The following SH3TC2 variants were observed in gnomAD, a reference collection of about 807,000 sequenced individuals.
The protein encoded by SH3TC2 is SH3 domain and tetratricopeptide repeats 2, also known as SH3 domain and tetratricopeptide repeat-containing protein 2.
A neutral mutation model predicts 124.5 loss-of-function variants in SH3TC2; 87 were observed. That is an observed-to-expected ratio of 0.70 (90% CI 0.59 to 0.84). The LOEUF (loss-of-function observed/expected upper bound fraction) is 0.84. Among genes scored for constraint, SH3TC2 ranks in the 40% least tolerant of loss-of-function variants. The pLI is 0.00. For missense variants in SH3TC2, 1,536 were observed against 1,566.4 expected, an observed-to-expected ratio of 0.98 and a Z score of 0.33; for synonymous variants, 634 against 628.5, an observed-to-expected ratio of 1.01 and a Z score of -0.13.
intron 2 of SH3TC2, 103 bp from the exon 3 acceptor site, chr5:149,048,092 C>T: frequency 6.7e-7 from 1 of 1,489,158 alleles, no homozygotes; most frequent in Non-Finnish European, 9.3e-7. Flanking sequence ...CCTGAACCCT[C>T]AACTGGTGTC....
chr5:149,034,540 A>G lies in SH3TC2; in HGVS notation c.1002-2853T>C, dbSNP rs752467580. On this transcript the variant is annotated intron_variant, in intron 8 of 16. Coordinates refer to ENST00000515425, the MANE Select transcript of SH3TC2 (RefSeq NM_024577.4). ...CAAGTCCTGAGCAAAATAAATAAAT[A>G]TAATATCATTTTTAACATGATGTCC... The G allele has an allele frequency of 1.0e-4, 39 of 388,862 alleles. 1 individual carries two copies. Among genetic ancestry groups the G allele is most frequent in the South Asian group, 7.7e-4 (38 of 49,564 alleles). 24.1% of individuals were successfully genotyped at this position (388,862 alleles called of 1,614,324 possible).
intron 7 of SH3TC2, 138 bp from the exon 8 acceptor site, chr5:149,038,628 C>T: frequency 2.2e-6 from 2 of 910,164 alleles, no homozygotes; most frequent in South Asian, 1.4e-5. Flanking sequence ...CCCCTCCCCA[C>T]CCAAAAATTG....
Position 149,002,040 on chromosome 5 carries a change from A to G in SH3TC2, c.*2671T>C, listed in dbSNP as rs1230032928. 2.0e-5 allele frequency: 3 copies of G among 152,654 alleles called. No homozygotes were observed. The highest frequency in any genetic ancestry group is 4.4e-5 in the Non-Finnish European group (3 of 68,058). 9.5% of individuals were successfully genotyped at this position (152,654 alleles called of 1,614,324 possible). ...GAGGAAGAATCAAATTAAGTATAGT[A>G]ACATCCCTCTGTACTCTTCACCCAC... is the stretch of plus-strand genomic sequence containing the variant. On this transcript the variant is annotated 3_prime_UTR_variant, in exon 17 of 17. Transcript: ENST00000515425.
rs1195820487 is a variant in SH3TC2 at position 148,987,926 on chromosome 5, T to C, written c.*16785A>G. 1.3e-5 allele frequency among the ~76,000 whole-genome samples: 2 copies of C among 150,254 alleles called. No homozygotes were observed. The highest frequency in any genetic ancestry group is 3.0e-5 in the Non-Finnish European group (2 of 67,576). Reference sequence around the variant, plus strand: ...GCCCAGAGTAAGCTTACATAGTGAGTGCACCTAAAGGTGAGCCATCTCCAC... The same window carrying C: ...GCCCAGAGTAAGCTTACATAGTGAGCGCACCTAAAGGTGAGCCATCTCCAC... On this transcript the variant is annotated 3_prime_UTR_variant, in exon 17 of 17. Transcript: ENST00000515425.
intron 1 of SH3TC2, among the ~76,000 whole-genome samples, chr5:149,060,519 G>A (rs1754728105): frequency 6.6e-6 from 1 of 152,148 alleles, no homozygotes; most frequent in Admixed American, 6.5e-5. Flanking sequence ...AAACTAGTCT[G>A]GCAGCTGTCC....
rs557007355 is a variant in SH3TC2, at chr5:149,041,451, C to G, written c.696G>C (p.Val232=). ...LVTGQRGLVL[V]SALEPLPLPF... Reference sequence around the variant, plus strand: ...GGAGAGGCAGAGGCTCCAAGGCTGACACCAGTACCAGGCCCCGCTGACCTG... The same window carrying G: ...GGAGAGGCAGAGGCTCCAAGGCTGAGACCAGTACCAGGCCCCGCTGACCTG... The change falls in exon 6 of 17, where the codon GTG becomes GTC. Residue 232 remains valine, a synonymous_variant. Coordinates refer to ENST00000515425, the MANE Select transcript of SH3TC2 (RefSeq NM_024577.4). 4.3e-6 allele frequency: 7 copies of G among 1,613,498 alleles called. No homozygotes were observed. The African/African-American group carries it at 8.0e-5, about 18-fold the overall frequency.
At chr5:149,038,563 T>C in intron 7 of SH3TC2, 73 bp from the exon 8 acceptor site, 2 of 1,492,448 alleles carry the variant, frequency 1.3e-6, no homozygotes, top group Non-Finnish European at 1.9e-6. Flanking sequence ...TCCAATGCAA[T>C]AGAAAATGAG....
intron 2 of SH3TC2, among the ~76,000 whole-genome samples, chr5:149,050,379 T>C (rs148293798): frequency 6.6e-6 from 1 of 152,130 alleles, no homozygotes; most frequent in East Asian, 1.9e-4. Context: ...TAAGGAGAGG[T>C]TGGCAGCTAC....
rs549642029 is a variant in SH3TC2, at chr5:149,000,647, A to G, written c.*4064T>C. 1.2e-4 allele frequency among the ~76,000 whole-genome samples: 19 copies of G among 152,194 alleles called. No homozygotes were observed. Among genetic ancestry groups the G allele is most frequent in the Non-Finnish European group, 2.5e-4 (17 of 68,038 alleles). On this transcript the variant is annotated 3_prime_UTR_variant, in exon 17 of 17. Transcript: ENST00000515425. ...TCGTGATAAATGCATGCATACATAC[A>G]CACACGTGTACATATACACACACAA...
In SH3TC2 at chr5:149,027,194, G is replaced by T; in HGVS notation, c.2538C>A (p.Leu846=). Residue 846 remains leucine, a synonymous_variant, in exon 11 of 17, where the codon CTC becomes CTA. Transcript: ENST00000515425. Reference sequence around the variant, plus strand: ...CCCTGTTCACCCGGCCTTCACCTTGGAGTGCAAGTCCCAGGAGGTTATAGA... The same window carrying T: ...CCCTGTTCACCCGGCCTTCACCTTGTAGTGCAAGTCCCAGGAGGTTATAGA... The part of the protein sequence containing the change: ...GVIYNLLGLA[L]QGEGRVNRAA... 6.2e-7 allele frequency: 1 copy of T among 1,614,212 alleles called. No homozygotes were observed. Among genetic ancestry groups the T allele is most frequent in the Non-Finnish European group, 8.5e-7 (1 of 1,180,044 alleles).
intron 12 of SH3TC2, among the ~76,000 whole-genome samples, chr5:149,014,862 C>G (rs925097065): frequency 8.5e-5 from 13 of 152,224 alleles, no homozygotes; most frequent in Non-Finnish European, 1.8e-4. Context: ...CTCCACAACT[C>G]TCCTCACTCT....
intron 16 of SH3TC2, among the ~76,000 whole-genome samples, chr5:149,005,139 C>T (rs548231394): frequency 1.4e-4 from 22 of 152,310 alleles, no homozygotes; most frequent in Admixed American, 1.4e-3. Flanking sequence ...TGGTCCCTTA[C>T]TGAGGCTCAG....
At chr5:149,010,044 C>T (rs927959305) in intron 14 of SH3TC2, among the ~76,000 whole-genome samples, 5 of 152,034 alleles carry the variant, frequency 3.3e-5, no homozygotes, top group African/African-American at 9.7e-5. Context: ...ATGTATTATC[C>T]GAAGAAGGAT....
intron 5 of SH3TC2, among the ~76,000 whole-genome samples, chr5:149,042,003 T>A (rs1384450557): frequency 6.6e-6 from 1 of 152,224 alleles, no homozygotes; most frequent in Non-Finnish European, 1.5e-5. Context: ...TTAGTTTGGG[T>A]GAATATAATT....
intron 1 of SH3TC2, among the ~76,000 whole-genome samples, chr5:149,058,567 T>C (rs1313699586): frequency 6.9e-6 from 1 of 144,164 alleles, no homozygotes; most frequent in African/African-American, 2.5e-5. Context: ...TTGAAAGAGC[T>C]TTTTTTTTTT....
In SH3TC2 at chr5:148,984,110, C is replaced by A. The variant is rs1753296273; in HGVS notation, c.*20601G>T. Among the ~76,000 whole-genome samples, 2 of 152,164 alleles carry A rather than the reference C, an allele frequency of 1.3e-5. No homozygotes were observed. The highest frequency in any genetic ancestry group is 2.9e-5 in the Non-Finnish European group (2 of 68,000). On this transcript the variant is annotated 3_prime_UTR_variant, in exon 17 of 17. Transcript: ENST00000515425. ...TTTGGGACGTTTTCAGCTATTATTT[C>A]TTTAGATAGGCTTTGTGTCCCTTTA... is the stretch of plus-strand genomic sequence containing the variant.
At chr5:149,030,270 G>A (rs1407708778) in intron 9 of SH3TC2, among the ~76,000 whole-genome samples, 2 of 152,226 alleles carry the variant, frequency 1.3e-5, no homozygotes, top group Non-Finnish European at 2.9e-5. Flanking sequence ...CCTTGGGGAA[G>A]CTGCAATTTA....
chr5:148,983,115 A>G lies in SH3TC2; in HGVS notation c.*21596T>C, dbSNP rs1753276994. 6.6e-6 allele frequency among the ~76,000 whole-genome samples: 1 copy of G among 152,232 alleles called. No homozygotes were observed. Among genetic ancestry groups the G allele is most frequent in the Admixed American group, 6.5e-5 (1 of 15,286 alleles). On this transcript the variant is annotated 3_prime_UTR_variant, in exon 17 of 17. Coordinates refer to ENST00000515425, the MANE Select transcript of SH3TC2 (RefSeq NM_024577.4). ...CCTCCTGCTAGTCTCACCTTCTGGG[A>G]TCTAATCTGTGGCTAGGCTTTACTT...
At position 149,001,300 on chromosome 5, in the gene SH3TC2, G is replaced by A. The variant is rs886060178; in HGVS notation, c.*3411C>T. On this transcript the variant is annotated 3_prime_UTR_variant, in exon 17 of 17. Transcript: ENST00000515425. ...GTTAATACTGTTGGACAGGGAACTA[G>A]TATACCTGAAAGCTGAGAAAACATG... The A allele has an allele frequency of 2.6e-5, 4 of 152,146 alleles. No homozygotes were observed. The highest frequency in any genetic ancestry group is 5.9e-5 in the Non-Finnish European group (4 of 68,020). The allele number at this position is 152,146 out of a possible 1,614,324, so 9.4% of individuals were successfully genotyped here.
Sources: gnomAD v4.1 joint callset for allele counts (sites outside exome capture counted in the v4.1 genomes callset) on GRCh38, gnomAD v4.1.1 for gene constraint, MANE v1.5 for transcripts, NCBI Gene and HGNC (gene_info 2026-07-23, HGNC 2026-07-21) for gene names.